Variants in DCST2 observed in about 807,000 individuals in gnomAD.
DCST2 encodes the protein DC-STAMP domain containing 2, also known as DC-STAMP domain-containing protein 2.
Under a neutral mutation model 81.8 loss-of-function variants are expected in DCST2, and 64 were observed. The ratio of observed to expected loss-of-function variants is 0.78; its 90% CI spans 0.64 to 0.96. The LOEUF (loss-of-function observed/expected upper bound fraction) is 0.96, where lower values mean the gene tolerates loss of function less well. Ranked by LOEUF, DCST2 falls within the 40% of genes least tolerant of loss-of-function variation. DCST2 has a pLI of 0.00. For missense variants in DCST2, 945 were observed against 1,001.4 expected, an observed-to-expected ratio of 0.94 and a Z score of 0.76; for synonymous variants, 354 against 402.6, an observed-to-expected ratio of 0.88 and a Z score of 1.44.
At chr1:155,031,515 T>TTCCCCCCCC in intron 4 of DCST2, 59 bp downstream of exon 4, 1 of 643,126 alleles carries the variant, frequency 1.6e-6, no homozygotes, top group South Asian at 1.4e-5. Context: ...ACCCCCACAT[T>TTCCCCCCCC]CCCACCCCAC....
At position 155,029,232 on chromosome 1, in the gene DCST2, C is replaced by T. The variant is rs1248175148; in HGVS notation, c.1342+1G>A. ...GAGGAGGCTGTCACGTAGGCACTCACTGCGGGCCACAATCTCCCCCTGCAG... is the reference window on the plus strand; with the variant it reads ...GAGGAGGCTGTCACGTAGGCACTCATTGCGGGCCACAATCTCCCCCTGCAG... On this transcript the variant is annotated splice_donor_variant, in intron 8 of 14. Coordinates refer to ENST00000368424, the MANE Select transcript of DCST2 (RefSeq NM_144622.3). LOFTEE classifies it high-confidence loss of function. The T allele has an allele frequency of 6.2e-7, 1 of 1,613,114 alleles. No homozygotes were observed. Among genetic ancestry groups the T allele is most frequent in the Non-Finnish European group, 8.5e-7 (1 of 1,179,746 alleles).
chr1:155,023,323 C>A, intron 13 of DCST2, 41 bp downstream of exon 13: 9 of 1,611,784 alleles, frequency 5.6e-6, no homozygotes, highest in Non-Finnish European at 6.8e-6. Flanking sequence ...CTTCCACTGC[C>A]CCTACAGACT....
At position 155,033,084 on chromosome 1, in the gene DCST2, G is replaced by C. The variant is rs1394529742; in HGVS notation, c.439+10C>G. On this transcript the variant is annotated intron_variant, in intron 2 of 14. Coordinates refer to ENST00000368424, the MANE Select transcript of DCST2 (RefSeq NM_144622.3). ...CCCGTGGGAGACAGTGGTAGAGGTG[G>C]GGGACTTACTGACAAGAGGTTGCTT... is the stretch of plus-strand genomic sequence containing the variant. 3.9e-6 allele frequency: 6 copies of C among 1,555,042 alleles called. No homozygotes were observed. The highest frequency in any genetic ancestry group is 5.2e-6 in the Non-Finnish European group (6 of 1,150,206).
At position 155,030,486 on chromosome 1, in the gene DCST2, G is replaced by A. The variant is rs756002723; in HGVS notation, c.965C>T (p.Ala322Val). The A allele has an allele frequency of 3.7e-6, 6 of 1,614,092 alleles. No homozygotes were observed. The highest frequency in any genetic ancestry group is 4.2e-6 in the Non-Finnish European group (5 of 1,180,028). Residue 322 changes from alanine to valine, a missense_variant, in exon 6 of 15, where the codon GCC (alanine) becomes GTC (valine). By Grantham distance (64) the Ala-to-Val change is moderately conservative. Transcript: ENST00000368424. Reference protein sequence around the residue: ...VSMKLHRVREALALMGFTTPL... With the variant: ...VSMKLHRVREVLALMGFTTPL... Reference sequence around the variant, plus strand: ...CGTGGTGAAGCCCATCAGAGCCAGGGCCTCTCGGACACGGTGCAGCTTCAT... The same window carrying A: ...CGTGGTGAAGCCCATCAGAGCCAGGACCTCTCGGACACGGTGCAGCTTCAT...
chr1:155,030,170 A>G lies in DCST2; in HGVS notation c.1091T>C (p.Leu364Pro). Reference protein sequence around the residue: ...YDNIYITSRFLRMEAVRSTAG... With the variant: ...YDNIYITSRFPRMEAVRSTAG... ...CGTGGAGCGCACAGCCTCCATGCGC[A>G]GGAATCGGCTAGTGATGTAGATATT... Residue 364 changes from leucine (L) to proline (P), a missense_variant, in exon 7 of 15, where the codon CTG becomes CCG. Coordinates refer to ENST00000368424, the MANE Select transcript of DCST2 (RefSeq NM_144622.3). The G allele has an allele frequency of 6.2e-7, 1 of 1,614,194 alleles. No individual in the cohort carries two copies. The highest frequency in any genetic ancestry group is 8.5e-7 in the Non-Finnish European group (1 of 1,180,028).
At chr1:155,024,351 C>A in intron 11 of DCST2, 121 bp downstream of exon 11, 4 of 1,352,178 alleles carry the variant, frequency 3.0e-6, no homozygotes, top group Non-Finnish European at 4.0e-6. Flanking sequence ...TAAGGGTATG[C>A]AATGGGCATT....
In DCST2 at chr1:155,023,248, G is replaced by T; in HGVS notation, c.1974C>A (p.Ser658Arg). 1 of 1,614,090 alleles carries T rather than the reference G, an allele frequency of 6.2e-7. No homozygotes were observed. The highest frequency in any genetic ancestry group is 8.5e-7 in the Non-Finnish European group (1 of 1,180,008). The change falls in exon 14 of 15, where the codon AGC becomes AGA. Residue 658 changes from serine to arginine, a missense_variant. Physicochemically the swap from Ser to Arg is moderately radical, Grantham distance 110. Transcript: ENST00000368424. Reference sequence around the variant, plus strand: ...GCCATAGCTGAGGGCCCTCCTCATCGCTGGAGTCCCTGGAGAAGACTCTCA... The same window carrying T: ...GCCATAGCTGAGGGCCCTCCTCATCTCTGGAGTCCCTGGAGAAGACTCTCA... ...QGDLDLELDS[S>R]DEEGPQLWLA...
chr1:155,019,871 C>T (rs924887462), intron 14 of DCST2, among the ~76,000 whole-genome samples: 1 of 152,244 alleles, frequency 6.6e-6, no homozygotes, highest in African/African-American at 2.4e-5. Context: ...CCTCCCTAGT[C>T]GGCTTCTTTG....
chr1:155,032,954 G>T (rs1415169300), intron 2 of DCST2, 140 bp downstream of exon 2: 2 of 1,066,088 alleles, frequency 1.9e-6, no homozygotes, highest in East Asian at 2.6e-5. Context: ...AGAGGGTTTA[G>T]CTGTGCCCAG....
rs756433214 is a variant in DCST2, at chr1:155,024,578, C to T, written c.1636G>A (p.Val546Ile). The change falls in exon 11 of 15, where the codon GTA becomes ATA. Residue 546 changes from valine (V) to isoleucine (I), a missense_variant. Val to Ile is a conservative substitution (Grantham distance 29). Coordinates refer to ENST00000368424, the MANE Select transcript of DCST2 (RefSeq NM_144622.3). ...EQERISYLYN[V>I]LLSRRTNLLA... ...AGATTGGTTCGGCGGCTCAGAAGTA[C>T]ATTGTACAGGTAGGAGATCCTCTCC... 2.5e-6 allele frequency: 4 copies of T among 1,607,852 alleles called. No homozygotes were observed. Among genetic ancestry groups the T allele is most frequent in the Non-Finnish European group, 2.5e-6 (3 of 1,177,154 alleles).
At chr1:155,032,843 G>A (rs1389088625) in intron 2 of DCST2, 75 bp from the exon 3 acceptor site, 1 of 1,403,154 alleles carries the variant, frequency 7.1e-7, no homozygotes, top group Non-Finnish European at 1.0e-6. Context: ...CCCTTAAGCA[G>A]GGAGTAGAGA....
At chr1:155,028,020 G>T (rs1185264576) in intron 8 of DCST2, among the ~76,000 whole-genome samples, 1 of 151,514 alleles carries the variant, frequency 6.6e-6, no homozygotes, top group East Asian at 1.9e-4. Flanking sequence ...TGCCTCCCAG[G>T]TTCAAGTGAT....
chr1:155,027,960 T>C (rs1659959779), intron 8 of DCST2, among the ~76,000 whole-genome samples: 1 of 151,678 alleles, frequency 6.6e-6, no homozygotes, highest in Admixed American at 6.6e-5. Context: ...GTTTCACTCT[T>C]GTTGCCCAGG....
chr1:155,025,246 GC>G (rs1367339487), intron 10 of DCST2, among the ~76,000 whole-genome samples: 2 of 152,144 alleles, frequency 1.3e-5, no homozygotes, highest in Non-Finnish European at 2.9e-5. Flanking sequence ...TTGGAGACTG[GC>G]AAAGAGATAG....
intron 14 of DCST2, among the ~76,000 whole-genome samples, chr1:155,022,454 G>A (rs1339917016): frequency 6.6e-6 from 1 of 152,128 alleles, no homozygotes; most frequent in Non-Finnish European, 1.5e-5. Context: ...CAGGCACCAT[G>A]GCTCACACCT....
intron 7 of DCST2, 37 bp downstream of exon 7, chr1:155,030,047 C>A (rs1481418309): frequency 6.2e-7 from 1 of 1,608,876 alleles, no homozygotes; most frequent in South Asian, 1.1e-5. Flanking sequence ...GCCCTGGCCT[C>A]CCTGGCTTGG....
intron 1 of DCST2, 31 bp downstream of exon 1, chr1:155,033,403 C>G (rs543333063): frequency 6.2e-7 from 1 of 1,606,318 alleles, no homozygotes; most frequent in Non-Finnish European, 8.5e-7. Flanking sequence ...AGCCCCAGGA[C>G]CTGCCCCCTA....
chr1:155,031,398 C>T (rs755717919), intron 4 of DCST2, among the ~76,000 whole-genome samples, 164 bp from the exon 5 acceptor site: 14 of 151,972 alleles, frequency 9.2e-5, no homozygotes, highest in Middle Eastern at 3.2e-3. Context: ...CTCCCAACAC[C>T]AGTCCCTCCC....
chr1:155,025,160 A>G (rs563475857), intron 10 of DCST2, among the ~76,000 whole-genome samples: 129 of 151,896 alleles, frequency 8.5e-4, no homozygotes, highest in African/African-American at 2.7e-3. Context: ...AAAAAAAAAA[A>G]AAAAAGAAAA....
Sources: allele counts gnomAD v4.1 joint callset (sites outside exome capture counted in the v4.1 genomes callset), GRCh38; gene constraint gnomAD v4.1.1; transcripts MANE v1.5; gene names NCBI Gene and HGNC (gene_info 2026-07-23, HGNC 2026-07-21).